Variants in AKR1C1 observed in about 807,000 individuals in gnomAD.
The protein encoded by AKR1C1 is aldo-keto reductase family 1 member C1, also known as 20 alpha-hydroxysteroid dehydrogenase.
In AKR1C1, 32 loss-of-function variants were observed where a neutral mutation model predicts 40.6. That is an observed-to-expected ratio of 0.79 (90% CI 0.60 to 1.06). The LOEUF is 1.06. AKR1C1 is among the 50% of genes least tolerant of loss of function. The pLI is 0.00. For missense variants in AKR1C1, 320 were observed against 363.5 expected, an observed-to-expected ratio of 0.88 and a Z score of 0.97; for synonymous variants, 105 against 134.2, an observed-to-expected ratio of 0.78 and a Z score of 1.50.
At chr10:4,968,800 C>T in intron 4 of AKR1C1, 22 bp from the exon 5 acceptor site, 1 of 1,613,008 alleles carries the variant, frequency 6.2e-7, no homozygotes, top group Non-Finnish European at 8.5e-7. Flanking sequence ...ATCTTCCACA[C>T]CTCACAATTC....
intron 7 of AKR1C1, among the ~76,000 whole-genome samples, chr10:4,974,057 A>T (rs1836484808): frequency 6.6e-6 from 1 of 151,628 alleles, no homozygotes; most frequent in Non-Finnish European, 1.5e-5. Flanking sequence ...GATACAGAGA[A>T]TGAGAAAGAA....
chr10:4,975,976 G>A (rs1235897441), intron 8 of AKR1C1, 43 bp downstream of exon 8: 3 of 400,764 alleles, frequency 7.5e-6, no homozygotes, highest in Non-Finnish European at 1.3e-5. Context: ...ATTTTCAGAG[G>A]AGGAACGTAG....
rs754792432 is a variant in AKR1C1 at position 4,967,023 on chromosome 10, C to G, written c.349C>G (p.His117Asp). Reference sequence around the variant, plus strand: ...GGATTATGTTGACCTCTACCTTATTCATTTTCCAGTGTCTGTAAAGGTAGG... The same window carrying G: ...GGATTATGTTGACCTCTACCTTATTGATTTTCCAGTGTCTGTAAAGGTAGG... ...QLDYVDLYLI[H>D]FPVSVKPGEE... The change falls in exon 3 of 9, where the codon CAT (histidine) becomes GAT (aspartate). Residue 117 changes from histidine to aspartate, a missense_variant. Physicochemically the swap from His to Asp is moderately conservative, Grantham distance 81 (BLOSUM62 -1). This residue lies in a region of AKR1C1 where 214 missense variants were observed against 214.8 expected (regional missense o/e 1.00). Transcript: ENST00000380872. 1 of 1,613,702 alleles carries G rather than the reference C, an allele frequency of 6.2e-7. No homozygotes were observed. The highest frequency in any genetic ancestry group is 1.3e-5 in the African/African-American group (1 of 74,914).
chr10:4,966,800 G>C, intron 2 of AKR1C1, 127 bp from the exon 3 acceptor site: 4 of 668,612 alleles, frequency 6.0e-6, no homozygotes, highest in Non-Finnish European at 1.0e-5. Flanking sequence ...CACAAGAAGA[G>C]AGAGAATAAT....
chr10:4,976,563 A>G (rs1477592851), intron 8 of AKR1C1, among the ~76,000 whole-genome samples: 7 of 152,218 alleles, frequency 4.6e-5, no homozygotes, highest in Non-Finnish European at 8.8e-5. Flanking sequence ...CAATATGGAG[A>G]TCTCAGTGCA....
chr10:4,974,127 T>A (rs1554770206), intron 7 of AKR1C1, among the ~76,000 whole-genome samples: 2 of 151,628 alleles, frequency 1.3e-5, no homozygotes, highest in African/African-American at 4.8e-5. Context: ...CTATATTATT[T>A]TAAAAATATT....
chr10:4,977,661 A>G (rs369481100), intron 8 of AKR1C1, 39 bp from the exon 9 acceptor site: 84 of 1,612,386 alleles, frequency 5.2e-5, no homozygotes, highest in Non-Finnish European at 3.1e-5. Context: ...TAACGGAGTC[A>G]TTGCCATTCA....
chr10:4,971,140 CT>C (rs1247367878), intron 5 of AKR1C1, among the ~76,000 whole-genome samples: 1 of 151,940 alleles, frequency 6.6e-6, no homozygotes, highest in African/African-American at 2.4e-5. Flanking sequence ...CTTTTTTCTA[CT>C]GCATTTCTGT....
In AKR1C1 at chr10:4,978,232, T is replaced by G. The variant is rs1447550395; in HGVS notation, c.*490T>G. 9 of 151,998 alleles carry G rather than the reference T, an allele frequency of 5.9e-5. No homozygotes were observed. Among genetic ancestry groups the G allele is most frequent in the African/African-American group, 2.0e-4 (8 of 39,582 alleles). The allele number at this position is 151,998 out of a possible 1,614,324, so 9.4% of individuals were successfully genotyped here. On this transcript the variant is annotated 3_prime_UTR_variant, in exon 9 of 9. Transcript: ENST00000380872. The stretch of plus-strand genomic sequence containing the variant: ...ATGAGCGATATTGACTAGCAATTCA[T>G]GGGCTCCCTCCAGCAGTGCGAGGGT...
chr10:4,967,162 G>T lies in AKR1C1; in HGVS notation c.369+119G>T, dbSNP rs747570812. ...ACATAGGGATTATAACATAGAAGAA[G>T]AATCCTAAATCTAACTCCTAATTCC... On this transcript the variant is annotated intron_variant, in intron 3 of 8. Transcript: ENST00000380872. 2.8e-5 allele frequency: 32 copies of T among 1,156,530 alleles called. No homozygotes were observed. The African/African-American group carries it at 4.7e-4, about 17-fold the overall frequency. The allele number at this position is 1,156,530 out of a possible 1,614,324, so 71.6% of individuals were successfully genotyped here.
In AKR1C1 at chr10:4,972,536, A is replaced by G. The variant is rs1435920874; in HGVS notation, c.681-48A>G. On this transcript the variant is annotated intron_variant, in intron 6 of 8. Transcript: ENST00000380872. ...GTCTGTTTAGGGAGCCGCCTAACAA[A>G]CTGTATCCCCAGCCTCAGGGCCTCA... The G allele has an allele frequency of 2.5e-6, 4 of 1,610,592 alleles. No individual in the cohort carries two copies. The African/African-American group carries it at 4.0e-5, about 16-fold the overall frequency.
chr10:4,966,513 G>A (rs1161345949), intron 2 of AKR1C1, among the ~76,000 whole-genome samples: 2 of 152,164 alleles, frequency 1.3e-5, no homozygotes, highest in Non-Finnish European at 2.9e-5. Context: ...CTCAAATTGT[G>A]TCCAGCCCAA....
rs139089923 is a variant in AKR1C1, at chr10:4,966,945, C to T, written c.271C>T (p.Arg91Ter). 2.0e-5 allele frequency: 33 copies of T among 1,613,222 alleles called. No homozygotes were observed. The highest frequency in any genetic ancestry group is 9.3e-5 in the African/African-American group (7 of 75,004). Reference sequence around the variant, plus strand: ...TCTGCAGCTTTGGTGCAATTCCCATCGACCAGAGTTGGTCCGACCAGCCTT... The same window carrying T: ...TCTGCAGCTTTGGTGCAATTCCCATTGACCAGAGTTGGTCCGACCAGCCTT... Reference protein sequence around the residue: ...YTSKLWCNSHRPELVRPALER... With the variant: ...YTSKLWCNSH The change falls in exon 3 of 9, where the codon CGA (arginine) becomes TGA (stop). Residue 91 changes from arginine to a stop codon, truncating the protein, a stop_gained. Coordinates refer to ENST00000380872, the MANE Select transcript of AKR1C1 (RefSeq NM_001353.6). LOFTEE classifies it high-confidence loss of function.
chr10:4,977,190 C>G lies in AKR1C1; in HGVS notation c.930-510C>G, dbSNP rs113591471. Among the ~76,000 whole-genome samples, 669 of 152,236 alleles carry G rather than the reference C, an allele frequency of 4.4e-3. 6 individuals carry two copies. Among genetic ancestry groups the G allele is most frequent in the African/African-American group, 0.015 (628 of 41,510 alleles). ...ATTGTAGCTCTTTGGATATTGGACC[C>G]TATATCAAAAACAACAATTTACATT... On this transcript the variant is annotated intron_variant, in intron 8 of 8. Coordinates refer to ENST00000380872, the MANE Select transcript of AKR1C1 (RefSeq NM_001353.6).
chr10:4,972,667 T>C lies in AKR1C1; in HGVS notation c.764T>C (p.Ile255Thr), dbSNP rs1554770000. The C allele has an allele frequency of 1.9e-6, 3 of 1,612,990 alleles. No homozygotes were observed. Among genetic ancestry groups the C allele is most frequent in the East Asian group, 2.2e-5 (1 of 44,894 alleles). Residue 255 changes from isoleucine to threonine, a missense_variant, in exon 7 of 9, where the codon ATT becomes ACT. Ile to Thr is a moderately conservative substitution (Grantham distance 89). This residue lies in a region of AKR1C1 where 77 missense variants were observed against 125.3 expected (regional missense o/e 0.61). Transcript: ENST00000380872. ...AAGCACAAGCGAACCCCAGCCCTGA[T>C]TGCCCTGCGCTACCAGCTACAGCGT... Reference protein sequence around the residue: ...AKKHKRTPALIALRYQLQRGV... With the variant: ...AKKHKRTPALTALRYQLQRGV...
chr10:4,970,207 G>T (rs556048957), intron 5 of AKR1C1, among the ~76,000 whole-genome samples: 1 of 152,178 alleles, frequency 6.6e-6, no homozygotes, highest in Non-Finnish European at 1.5e-5. Context: ...CCCAGTTCCA[G>T]TGTCATTACT....
intron 5 of AKR1C1, among the ~76,000 whole-genome samples, chr10:4,971,384 A>G (rs1371889288): frequency 6.6e-6 from 1 of 151,706 alleles, no homozygotes. Context: ...AGAGTAGACA[A>G]AGATTGTTGT....
chr10:4,982,718 TC>T lies in AKR1C1; in HGVS notation c.*4979del. Reference sequence around the variant, plus strand: ...CTGGGCAACTTAGGGCAAGCTCAAATCCCACTGCTACCACCACAGCTGGTGC... The same window carrying T: ...CTGGGCAACTTAGGGCAAGCTCAAATCCACTGCTACCACCACAGCTGGTGC... On this transcript the variant is annotated 3_prime_UTR_variant, in exon 9 of 9. Transcript: ENST00000380872. 3.3e-6 allele frequency: 1 copy of T among 299,080 alleles called. No individual in the cohort carries two copies. Among genetic ancestry groups the T allele is most frequent in the South Asian group, 2.9e-5 (1 of 34,038 alleles). 18.5% of individuals were successfully genotyped at this position (299,080 alleles called of 1,614,324 possible).
intron 2 of AKR1C1, among the ~76,000 whole-genome samples, chr10:4,966,291 T>C (rs1449135572): frequency 3.9e-5 from 6 of 152,214 alleles, no homozygotes; most frequent in Non-Finnish European, 8.8e-5. Flanking sequence ...GCCTTCAAAG[T>C]GCCTTTACTT....
Sources: allele counts gnomAD v4.1 joint callset (sites outside exome capture counted in the v4.1 genomes callset), GRCh38; gene constraint gnomAD v4.1.1; regional missense constraint gnomAD v4.1.1; transcripts MANE v1.5; gene names NCBI Gene and HGNC (gene_info 2026-07-23, HGNC 2026-07-21).